Variants in PRKG1 observed in about 807,000 individuals in gnomAD.
PRKG1 encodes protein kinase cGMP-dependent 1, also known as cGMP-dependent protein kinase 1.
In PRKG1, 35 loss-of-function variants were observed where a neutral mutation model predicts 88.1. That is an observed-to-expected ratio of 0.40 (90% CI 0.30 to 0.53). PRKG1 has a LOEUF of 0.53. Among genes scored for constraint, PRKG1 ranks in the 20% least tolerant of loss-of-function variants. The pLI is 0.59. For missense variants in PRKG1, 540 were observed against 839.8 expected, an observed-to-expected ratio of 0.64 and a Z score of 4.41; for synonymous variants, 303 against 292.5, an observed-to-expected ratio of 1.04 and a Z score of -0.37.
At chr10:51,261,421 A>T (rs1323204498) in intron 2 of PRKG1, among the ~76,000 whole-genome samples, 5 of 152,218 alleles carry the variant, frequency 3.3e-5, no homozygotes, top group Non-Finnish European at 7.3e-5. Flanking sequence ...TTCTTTTCCA[A>T]AAATGAACCC....
intron 4 of PRKG1, among the ~76,000 whole-genome samples, chr10:51,890,368 C>T (rs570728580): frequency 1.3e-5 from 2 of 152,248 alleles, no homozygotes; most frequent in African/African-American, 4.8e-5. Context: ...CTACACTAAT[C>T]CATCAAAACT....
intron 7 of PRKG1, among the ~76,000 whole-genome samples, chr10:52,091,250 G>A (rs1051736279): frequency 6.6e-6 from 1 of 152,176 alleles, no homozygotes; most frequent in Non-Finnish European, 1.5e-5. Context: ...CCATCTTTAA[G>A]CTAGCAAAGG....
intron 2 of PRKG1, among the ~76,000 whole-genome samples, chr10:51,355,497 A>G (rs946775202): frequency 6.6e-6 from 1 of 152,068 alleles, no homozygotes; most frequent in South Asian, 2.1e-4. Flanking sequence ...CCAAAATTAA[A>G]TCAAAGTTGA....
rs1453972448 is a variant in PRKG1 at position 51,345,435 on chromosome 10, T to TA, written c.479-122287dup. ...GGCTTCAGAGTTATGGTTTGAGTGT[T>TA]ACTGTGCTTGATTGACATAATCCCA... is the stretch of plus-strand genomic sequence containing the variant. On this transcript the variant is annotated intron_variant, in intron 2 of 17. Transcript: ENST00000373980. Among the ~76,000 whole-genome samples, 6 of 152,190 alleles carry TA rather than the reference T, an allele frequency of 3.9e-5. No individual in the cohort carries two copies. In the East Asian group the frequency reaches 1.2e-3, roughly 29 times the overall value.
intron 4 of PRKG1, among the ~76,000 whole-genome samples, chr10:51,895,878 A>G (rs1053160839): frequency 1.3e-5 from 2 of 152,006 alleles, no homozygotes; most frequent in African/African-American, 4.8e-5. Flanking sequence ...TTGCCTAGAG[A>G]GGTTGACCTG....
Position 51,340,033 on chromosome 10 carries a change from A to G in PRKG1, c.479-127690A>G, listed in dbSNP as rs933656807. Among the ~76,000 whole-genome samples, 8 of 152,240 alleles carry G rather than the reference A, an allele frequency of 5.3e-5. No homozygotes were observed. In the South Asian group the frequency reaches 1.7e-3, roughly 32 times the overall value. ...GATGAACTGCTTTATTTACTTTCAG[A>G]TGGAATAAAAGCCTCTGCTAGTGGA... On this transcript the variant is annotated intron_variant, in intron 2 of 17. Coordinates refer to ENST00000373980, the MANE Select transcript of PRKG1 (RefSeq NM_006258.4).
rs1840037769 is a variant in PRKG1, at chr10:52,213,602, G to A, written c.1077-37968G>A. 3.9e-5 allele frequency among the ~76,000 whole-genome samples: 6 copies of A among 152,274 alleles called. No homozygotes were observed. In the South Asian group the frequency reaches 1.2e-3, roughly 32 times the overall value. ...AGCCATTTATCTCACTGGACTTGTG[G>A]GGATTGGGAGCAGGAAGCTGGGTTC... On this transcript the variant is annotated intron_variant, in intron 9 of 17. Transcript: ENST00000373980.
chr10:52,165,993 A>G (rs1259845347), intron 9 of PRKG1, among the ~76,000 whole-genome samples: 1 of 152,218 alleles, frequency 6.6e-6, no homozygotes, highest in Admixed American at 6.5e-5. Context: ...TTTTCTACAA[A>G]GATAATTGTT....
intron 2 of PRKG1, among the ~76,000 whole-genome samples, chr10:51,410,270 A>ATATATATATG (rs1554805784): frequency 6.8e-6 from 1 of 146,798 alleles, no homozygotes; most frequent in African/African-American, 2.5e-5. Flanking sequence ...ATATATATAT[A>ATATATATATG]TGTGTGTGTG....
At chr10:51,000,170 A>C (rs549388234) in intron 1 of PRKG1, among the ~76,000 whole-genome samples, 1 of 152,226 alleles carries the variant, frequency 6.6e-6, no homozygotes, top group Non-Finnish European at 1.5e-5. Flanking sequence ...TGTAAGGTAG[A>C]AATGAGTAAA....
chr10:51,494,398 A>G (rs79217132), intron 3 of PRKG1, among the ~76,000 whole-genome samples: 7,020 of 152,336 alleles, frequency 0.046, 263 homozygotes, highest in Middle Eastern at 0.11. Context: ...TATTGCCAGT[A>G]TCTGTTAACT....
chr10:51,081,748 G>C (rs1433301931), intron 1 of PRKG1, among the ~76,000 whole-genome samples: 1 of 152,150 alleles, frequency 6.6e-6, no homozygotes. Context: ...CTCTTTCATT[G>C]ATTGAATGAT....
In PRKG1 at chr10:52,293,807, AT is replaced by A; in HGVS notation, c.1969del (p.Ser657HisfsTer28). The A allele has an allele frequency of 6.2e-7, 1 of 1,612,106 alleles. No homozygotes were observed. Among genetic ancestry groups the A allele is most frequent in the Non-Finnish European group, 8.5e-7 (1 of 1,178,926 alleles). ...AACCTGTCCATTTTTTACAGGTTGC[AT>A]CACCCACAGACACAAGTAATTTTGA... ...LTPPIIPSVA[S>X]PTDTSNFDSF... On this transcript the variant is annotated frameshift_variant, in exon 18 of 18. Transcript: ENST00000373980. LOFTEE classifies it high-confidence loss of function.
At chr10:52,293,613 G>C (rs1205632343) in intron 17 of PRKG1, among the ~76,000 whole-genome samples, 189 bp from the exon 18 acceptor site, 1 of 151,976 alleles carries the variant, frequency 6.6e-6, no homozygotes, top group Non-Finnish European at 1.5e-5. Context: ...ACTCACAAGG[G>C]TATAAACTCT....
At chr10:51,194,574 T>C (rs907437352) in intron 2 of PRKG1, among the ~76,000 whole-genome samples, 3 of 152,160 alleles carry the variant, frequency 2.0e-5, no homozygotes, top group African/African-American at 4.8e-5. Context: ...TCAACAGTCC[T>C]AGAACTTTTT....
chr10:51,221,087 T>G (rs1393249620), intron 2 of PRKG1, among the ~76,000 whole-genome samples: 1 of 152,060 alleles, frequency 6.6e-6, no homozygotes, highest in East Asian at 1.9e-4. Flanking sequence ...TTTTGTGAGT[T>G]GGAAAATACA....
At chr10:51,150,489 A>T (rs1846042896) in intron 1 of PRKG1, among the ~76,000 whole-genome samples, 1 of 152,182 alleles carries the variant, frequency 6.6e-6, no homozygotes, top group Non-Finnish European at 1.5e-5. Flanking sequence ...TTATTCTCTG[A>T]CAAGACCATC....
At chr10:51,852,213 G>GTGTATATATATATATATATATA (rs1554848714) in intron 4 of PRKG1, among the ~76,000 whole-genome samples, 30 of 143,288 alleles carry the variant, frequency 2.1e-4, no homozygotes, top group African/African-American at 7.7e-4. Context: ...TTTTATATGT[G>GTGTATATATATATATATATATA]TATATATATA....
At chr10:51,351,653 A>G (rs1000190231) in intron 2 of PRKG1, among the ~76,000 whole-genome samples, 1 of 151,994 alleles carries the variant, frequency 6.6e-6, no homozygotes, top group Non-Finnish European at 1.5e-5. Context: ...TCCCTTTTTC[A>G]GATGGATAGA....
Sources: gnomAD v4.1 joint callset for allele counts (sites outside exome capture counted in the v4.1 genomes callset) on GRCh38, gnomAD v4.1.1 for gene constraint, MANE v1.5 for transcripts, NCBI Gene and HGNC (gene_info 2026-07-23, HGNC 2026-07-21) for gene names.